The following GJA4 variants were observed in gnomAD, a reference collection of about 807,000 sequenced individuals.
GJA4 encodes the protein gap junction protein alpha 4.
In GJA4, 13 loss-of-function variants were observed where a neutral mutation model predicts 25.1. The ratio of observed to expected loss-of-function variants is 0.52; its 90% CI spans 0.34 to 0.82. The LOEUF (loss-of-function observed/expected upper bound fraction) is 0.82, where lower values mean the gene tolerates loss of function less well. Among genes scored for constraint, GJA4 ranks in the 40% least tolerant of loss-of-function variants. The probability of loss-of-function intolerance (pLI) is 0.02; values close to 1 mark genes in which losing one functional copy is unlikely to be tolerated. For synonymous variants in GJA4, 167 were observed against 193.9 expected, an observed-to-expected ratio of 0.86 and a Z score of 1.15; for missense variants, 357 against 443.5, an observed-to-expected ratio of 0.80 and a Z score of 1.75.
Position 34,794,168 on chromosome 1 carries a change from A to T in GJA4, c.-17-29A>T. ...GGCGAACGAGAAGGATGCCATGCTG[A>T]CACACTGACGTGCTCTGTCTCCTTG... On this transcript the variant is annotated intron_variant, in intron 1 of 1. Transcript: ENST00000342280. This position sits in a 1 kb window ranked among gnomAD's most constrained non-coding sequence, Gnocchi z 7.8. 1 of 1,569,488 alleles carries T rather than the reference A, an allele frequency of 6.4e-7. No homozygotes were observed. The highest frequency in any genetic ancestry group is 8.7e-7 in the Non-Finnish European group (1 of 1,149,836).
Position 34,794,649 on chromosome 1 carries a change from C to A in GJA4, c.436C>A (p.Arg146Ser), listed in dbSNP as rs1243767574. The A allele has an allele frequency of 1.9e-6, 3 of 1,606,834 alleles. No homozygotes were observed. The highest frequency in any genetic ancestry group is 2.5e-6 in the Non-Finnish European group (3 of 1,179,680). Reference protein sequence around the residue: ...KISVAEDGRLRIRGALMGTYV... With the variant: ...KISVAEDGRLSIRGALMGTYV... ...CTCGGTGGCAGAAGATGGTCGCCTG[C>A]GCATCCGCGGAGCACTGATGGGCAC... The change falls in exon 2 of 2, where the codon CGC becomes AGC. Residue 146 changes from arginine to serine, a missense_variant. Around this residue, in one of 2 missense-constraint regions of GJA4, gnomAD observed 278 missense variants for 298.1 expected, o/e 0.93. Coordinates refer to ENST00000342280, the MANE Select transcript of GJA4 (RefSeq NM_002060.3). This position sits in a 1 kb window ranked among gnomAD's most constrained non-coding sequence, Gnocchi z 7.8.
In GJA4 at chr1:34,795,018, G is replaced by T. The variant is rs771803516; in HGVS notation, c.805G>T (p.Val269Leu). 2 of 1,613,126 alleles carry T rather than the reference G, an allele frequency of 1.2e-6. No homozygotes were observed. The highest frequency in any genetic ancestry group is 1.3e-5 in the African/African-American group (1 of 74,998). The change falls in exon 2 of 2, where the codon GTG (valine) becomes TTG (leucine). Residue 269 changes from valine to leucine, a missense_variant. This residue lies in a region of GJA4 where 278 missense variants were observed against 298.1 expected (regional missense o/e 0.93). Coordinates refer to ENST00000342280, the MANE Select transcript of GJA4 (RefSeq NM_002060.3). ...GGACCAGGTCTTCTTCTACCTCCCC[G>T]TGGGCCAGGGGCCCTCATCCCCACC... ...YTDQVFFYLP[V>L]GQGPSSPPCP...
Position 34,795,240 on chromosome 1 carries a change from C to A in GJA4, c.*25C>A. On this transcript the variant is annotated 3_prime_UTR_variant, in exon 2 of 2. Coordinates refer to ENST00000342280, the MANE Select transcript of GJA4 (RefSeq NM_002060.3). ...GAGGCCTGTGGCTTATGTCACCCAA[C>A]AGAGGGGTCCTGAGAAGTCTGGCTG... 6.5e-7 allele frequency: 1 copy of A among 1,533,048 alleles called. No homozygotes were observed. The highest frequency in any genetic ancestry group is 1.2e-5 in the South Asian group (1 of 81,224). The allele number at this position is 1,533,048 out of a possible 1,614,324, so 95.0% of individuals were successfully genotyped here. A position where few individuals can be genotyped will look rare whatever the true frequency, so the allele number is the denominator to read the frequency against.
chr1:34,793,417 C>T (rs1051269268), intron 1 of GJA4, among the ~76,000 whole-genome samples: 2 of 152,252 alleles, frequency 1.3e-5, no homozygotes, highest in African/African-American at 4.8e-5. Flanking sequence ...AGAGGCACCT[C>T]CCCCTTGGGA....
Position 34,794,926 on chromosome 1 carries a change from G to A in GJA4, c.713G>A (p.Arg238Gln), listed in dbSNP as rs143462459. The A allele has an allele frequency of 1.8e-4, 297 of 1,614,082 alleles. 1 individual carries two copies. The East Asian group carries it at 5.2e-3, about 28-fold the overall frequency. Residue 238 changes from arginine to glutamine, a missense_variant, in exon 2 of 2, where the codon CGG becomes CAG. Physicochemically the swap from Arg to Gln is conservative, Grantham distance 43 (BLOSUM62 1). Around this residue, in one of 2 missense-constraint regions of GJA4, gnomAD observed 278 missense variants for 298.1 expected, o/e 0.93. Transcript: ENST00000342280. The surrounding 1 kb of genome is among the most constrained non-coding windows in gnomAD (Gnocchi z 7.8). ...CACCTGCTGTGTCGCTGCCTCAGCC[G>A]GGGGATGAGGGCACGGCAAGGCCAA... is the stretch of plus-strand genomic sequence containing the variant. ...LVHLLCRCLS[R>Q]GMRARQGQDA...
Position 34,794,689 on chromosome 1 carries a change from T to C in GJA4, c.476T>C (p.Val159Ala). Residue 159 changes from valine to alanine, a missense_variant, in exon 2 of 2, where the codon GTG becomes GCG. Val to Ala is a moderately conservative substitution (Grantham distance 64, BLOSUM62 0). This residue lies in a region of GJA4 where 278 missense variants were observed against 298.1 expected (regional missense o/e 0.93). Coordinates refer to ENST00000342280, the MANE Select transcript of GJA4 (RefSeq NM_002060.3). This position sits in a 1 kb window ranked among gnomAD's most constrained non-coding sequence, Gnocchi z 7.8. Reference protein sequence around the residue: ...GALMGTYVASVLCKSVLEAGF... With the variant: ...GALMGTYVASALCKSVLEAGF... ...CTGATGGGCACCTATGTCGCCAGTGTGCTCTGCAAGAGTGTGCTAGAGGCA... is the reference window on the plus strand; with the variant it reads ...CTGATGGGCACCTATGTCGCCAGTGCGCTCTGCAAGAGTGTGCTAGAGGCA... The C allele has an allele frequency of 6.2e-7, 1 of 1,612,154 alleles. No homozygotes were observed. Among genetic ancestry groups the C allele is most frequent in the Non-Finnish European group, 8.5e-7 (1 of 1,179,998 alleles).
chr1:34,794,108 C>A lies in GJA4; in HGVS notation c.-17-89C>A. 1 of 1,005,534 alleles carries A rather than the reference C, an allele frequency of 9.9e-7. No homozygotes were observed. Among genetic ancestry groups the A allele is most frequent in the Non-Finnish European group, 1.5e-6 (1 of 683,460 alleles). 62.3% of individuals were successfully genotyped at this position (1,005,534 alleles called of 1,614,324 possible). A position where few individuals can be genotyped will look rare whatever the true frequency, so the allele number is the denominator to read the frequency against. The stretch of plus-strand genomic sequence containing the variant: ...AGCCTGGGTTTCTTTGTAGGTAGAA[C>A]GGGCGTGGCAGACCTCCCTGCAGGC... On this transcript the variant is annotated intron_variant, in intron 1 of 1. Transcript: ENST00000342280. The surrounding 1 kb of genome is among the most constrained non-coding windows in gnomAD (Gnocchi z 7.8).
Position 34,794,250 on chromosome 1 carries a change from C to A in GJA4, c.37C>A (p.Gln13Lys). 1 of 1,614,142 alleles carries A rather than the reference C, an allele frequency of 6.2e-7. No homozygotes were observed. Residue 13 changes from glutamine to lysine, a missense_variant, in exon 2 of 2, where the codon CAG becomes AAG. Gln to Lys is a moderately conservative substitution (Grantham distance 53, BLOSUM62 1). Around this residue, in one of 2 missense-constraint regions of GJA4, gnomAD observed 79 missense variants for 145.4 expected, o/e 0.54. Coordinates refer to ENST00000342280, the MANE Select transcript of GJA4 (RefSeq NM_002060.3). This position sits in a 1 kb window ranked among gnomAD's most constrained non-coding sequence, Gnocchi z 7.8. The part of the protein sequence containing the change: ...DWGFLEKLLD[Q>K]VQEHSTVVGK... ...GGGCTTCCTGGAGAAGTTGCTGGAC[C>A]AGGTCCAGGAGCACTCGACCGTGGT...
rs926330777 is a variant in GJA4 at position 34,794,142 on chromosome 1, G to C, written c.-17-55G>C. 6.4e-5 allele frequency: 90 copies of C among 1,411,288 alleles called. No individual in the cohort carries two copies. The highest frequency in any genetic ancestry group is 8.6e-5 in the Non-Finnish European group (88 of 1,027,070). 87.4% of individuals were successfully genotyped at this position (1,411,288 alleles called of 1,614,324 possible). A position where few individuals can be genotyped will look rare whatever the true frequency, so the allele number is the denominator to read the frequency against. On this transcript the variant is annotated intron_variant, in intron 1 of 1. Transcript: ENST00000342280. This position sits in a 1 kb window ranked among gnomAD's most constrained non-coding sequence, Gnocchi z 7.8. ...CAGACCTCCCTGCAGGCTTGTTGCT[G>C]GGCGAACGAGAAGGATGCCATGCTG...
rs1286853017 is a variant in GJA4 at position 34,795,286 on chromosome 1, C to T, written c.*71C>T. On this transcript the variant is annotated 3_prime_UTR_variant, in exon 2 of 2. Coordinates refer to ENST00000342280, the MANE Select transcript of GJA4 (RefSeq NM_002060.3). ...GGCTGCCTGGGATGCCCCCTGCCCC[C>T]TCCTGGAAGGCTCTGCAGAGATGAC... is the stretch of plus-strand genomic sequence containing the variant. 2 of 959,498 alleles carry T rather than the reference C, an allele frequency of 2.1e-6. No individual in the cohort carries two copies. The highest frequency in any genetic ancestry group is 2.3e-5 in the Admixed American group (1 of 43,962). 59.4% of individuals were successfully genotyped at this position (959,498 alleles called of 1,614,324 possible).
chr1:34,793,952 A>G (rs1395956879), intron 1 of GJA4: 2 of 535,816 alleles, frequency 3.7e-6, no homozygotes, highest in Non-Finnish European at 6.7e-6. Context: ...TAGATGTCTG[A>G]TTAGGCAGGG....
intron 1 of GJA4, chr1:34,793,991 C>A (rs1640230793): frequency 1.7e-6 from 1 of 590,312 alleles, no homozygotes; most frequent in East Asian, 2.8e-5. Context: ...TGAGACCATA[C>A]AAAGAGGTGG....
At position 34,795,169 on chromosome 1, in the gene GJA4, C is replaced by T. The variant is rs1325448031; in HGVS notation, c.956C>T (p.Pro319Leu). The stretch of plus-strand genomic sequence containing the variant: ...CCACCCCCTCAGAATGGCCAAAAAC[C>T]CCCAAGTCGTCCCAGCAGCTCTGCT... The part of the protein sequence containing the change: ...LDPPPQNGQK[P>L]PSRPSSSASK... The change falls in exon 2 of 2, where the codon CCC becomes CTC. Residue 319 changes from proline (P) to leucine (L), a missense_variant. Physicochemically the swap from Pro to Leu is moderately conservative, Grantham distance 98. Transcript: ENST00000342280. 4 of 1,612,896 alleles carry T rather than the reference C, an allele frequency of 2.5e-6. No homozygotes were observed. The highest frequency in any genetic ancestry group is 1.7e-6 in the Non-Finnish European group (2 of 1,179,138).
rs770757940 is a variant in GJA4, at chr1:34,794,831, G to A, written c.618G>A (p.Lys206=). 5 of 1,614,132 alleles carry A rather than the reference G, an allele frequency of 3.1e-6. No individual in the cohort carries two copies. The highest frequency in any genetic ancestry group is 4.2e-6 in the Non-Finnish European group (5 of 1,179,976). ...GCTTTGTCTCTCGCCCCACGGAGAAGACCATCTTCATCATCTTCATGTTGG... is the reference window on the plus strand; with the variant it reads ...GCTTTGTCTCTCGCCCCACGGAGAAAACCATCTTCATCATCTTCATGTTGG... The part of the protein sequence containing the change: ...VDCFVSRPTE[K]TIFIIFMLVV... The change falls in exon 2 of 2, where the codon AAG becomes AAA. Residue 206 remains lysine (K), a synonymous_variant. Coordinates refer to ENST00000342280, the MANE Select transcript of GJA4 (RefSeq NM_002060.3). The surrounding 1 kb of genome is among the most constrained non-coding windows in gnomAD (Gnocchi z 7.8).
In GJA4 at chr1:34,795,299, C is replaced by G; in HGVS notation, c.*84C>G. On this transcript the variant is annotated 3_prime_UTR_variant, in exon 2 of 2. Transcript: ENST00000342280. ...GCCCCCTGCCCCCTCCTGGAAGGCT[C>G]TGCAGAGATGACTGGGCTGGGGAAG... 1 of 852,290 alleles carries G rather than the reference C, an allele frequency of 1.2e-6. No individual in the cohort carries two copies. Among genetic ancestry groups the G allele is most frequent in the South Asian group, 1.7e-5 (1 of 59,434 alleles). 52.8% of individuals were successfully genotyped at this position (852,290 alleles called of 1,614,324 possible). A position where few individuals can be genotyped will look rare whatever the true frequency, so the allele number is the denominator to read the frequency against.
At position 34,795,380 on chromosome 1, in the gene GJA4, C is replaced by A; in HGVS notation, c.*165C>A. 6 of 592,852 alleles carry A rather than the reference C, an allele frequency of 1.0e-5. No individual in the cohort carries two copies. The South Asian group carries it at 1.4e-4, about 14-fold the overall frequency. The allele number at this position is 592,852 out of a possible 1,614,324, so 36.7% of individuals were successfully genotyped here. ...CAAGTTGTTCTTGAACACCTGAGGC[C>A]TTCCTGGTGCCCACCAGGCACTACG... On this transcript the variant is annotated 3_prime_UTR_variant, in exon 2 of 2. Coordinates refer to ENST00000342280, the MANE Select transcript of GJA4 (RefSeq NM_002060.3).
chr1:34,794,427 A>G lies in GJA4; in HGVS notation c.214A>G (p.Ile72Val), dbSNP rs1201666399. ...TNVCYDQAFP[I>V]SHIRYWVLQF... ...CGTCTGCTATGACCAGGCCTTCCCC[A>G]TCTCCCACATCCGCTACTGGGTGCT... The change falls in exon 2 of 2, where the codon ATC becomes GTC. Residue 72 changes from isoleucine to valine, a missense_variant. Physicochemically the swap from Ile to Val is conservative, Grantham distance 29 (BLOSUM62 3). Transcript: ENST00000342280. The surrounding 1 kb of genome is among the most constrained non-coding windows in gnomAD (Gnocchi z 7.8). The G allele has an allele frequency of 5.0e-6, 8 of 1,613,974 alleles. No individual in the cohort carries two copies. Among genetic ancestry groups the G allele is most frequent in the Middle Eastern group, 3.3e-4 (2 of 6,084 alleles).
At position 34,794,484 on chromosome 1, in the gene GJA4, G is replaced by T. The variant is rs777931705; in HGVS notation, c.271G>T (p.Val91Phe). The stretch of plus-strand genomic sequence containing the variant: ...CCTCTTCGTCAGCACACCCACCCTG[G>T]TCTACCTGGGCCATGTCATTTACCT... ...QFLFVSTPTL[V>F]YLGHVIYLSR... The change falls in exon 2 of 2, where the codon GTC becomes TTC. Residue 91 changes from valine (V) to phenylalanine (F), a missense_variant. Physicochemically the swap from Val to Phe is conservative, Grantham distance 50 (BLOSUM62 -1). Transcript: ENST00000342280. The surrounding 1 kb of genome is among the most constrained non-coding windows in gnomAD (Gnocchi z 7.8). 4.3e-6 allele frequency: 7 copies of T among 1,614,016 alleles called. No homozygotes were observed. The highest frequency in any genetic ancestry group is 5.9e-6 in the Non-Finnish European group (7 of 1,180,036).
chr1:34,795,266 C>T lies in GJA4; in HGVS notation c.*51C>T, dbSNP rs1474997549. The T allele has an allele frequency of 8.1e-7, 1 of 1,234,422 alleles. No individual in the cohort carries two copies. The highest frequency in any genetic ancestry group is 1.2e-6 in the Non-Finnish European group (1 of 869,410). The allele number at this position is 1,234,422 out of a possible 1,614,324, so 76.5% of individuals were successfully genotyped here. A position where few individuals can be genotyped will look rare whatever the true frequency, so the allele number is the denominator to read the frequency against. ...AGAGGGGTCCTGAGAAGTCTGGCTG[C>T]CTGGGATGCCCCCTGCCCCCTCCTG... On this transcript the variant is annotated 3_prime_UTR_variant, in exon 2 of 2. Transcript: ENST00000342280.
Sources: gnomAD v4.1 joint callset for allele counts (sites outside exome capture counted in the v4.1 genomes callset) on GRCh38, gnomAD v4.1.1 for gene constraint, gnomAD v4.1.1 regional missense constraint, Gnocchi (gnomAD v3.1) non-coding constraint, MANE v1.5 for transcripts, NCBI Gene and HGNC (gene_info 2026-07-23, HGNC 2026-07-21) for gene names.